The following SEC23IP variants were observed in gnomAD, a reference collection of about 807,000 sequenced individuals.
The protein encoded by SEC23IP is SEC23-interacting protein.
SEC23IP carries 70 observed loss-of-function variants against 113.4 expected under a neutral mutation model. The observed-to-expected ratio is 0.62, with a 90% CI of 0.51 to 0.75. SEC23IP has a LOEUF of 0.75. SEC23IP is among the 30% of genes least tolerant of loss of function. SEC23IP has a pLI of 0.00. For synonymous variants in SEC23IP, 398 were observed against 421.0 expected, an observed-to-expected ratio of 0.95 and a Z score of 0.67; for missense variants, 1,160 against 1,204.9, an observed-to-expected ratio of 0.96 and a Z score of 0.55.
In SEC23IP at chr10:119,933,154, C is replaced by T; in HGVS notation, c.2908C>T (p.His970Tyr). 2 of 1,613,878 alleles carry T rather than the reference C, an allele frequency of 1.2e-6. No individual in the cohort carries two copies. Among genetic ancestry groups the T allele is most frequent in the Non-Finnish European group, 1.7e-6 (2 of 1,179,868 alleles). Residue 970 changes from histidine (H) to tyrosine (Y), a missense_variant, in exon 17 of 19, where the codon CAC becomes TAC. Physicochemically the swap from His to Tyr is moderately conservative, Grantham distance 83. Transcript: ENST00000369075. The part of the protein sequence containing the change: ...FNEYLFALQS[H>Y]LCYWESEDTA... ...TGAATACCTTTTCGCTCTTCAGAGTCACTTATGCTATTGGTAAGTGTTCTT... is the reference window on the plus strand; with the variant it reads ...TGAATACCTTTTCGCTCTTCAGAGTTACTTATGCTATTGGTAAGTGTTCTT...
intron 13 of SEC23IP, 58 bp from the exon 14 acceptor site, chr10:119,929,549 A>G: frequency 6.7e-7 from 1 of 1,502,584 alleles, no homozygotes; most frequent in Non-Finnish European, 9.2e-7. Context: ...ATTCAAAAGA[A>G]TTTTCTACTA....
chr10:119,916,773 A>G lies in SEC23IP; in HGVS notation c.1544+884A>G, dbSNP rs925028525. ...AGAGTAATCTTCCCTCTTTAAAAAT[A>G]AAATAGAAATCTTTGCATATGACTT... On this transcript the variant is annotated intron_variant, in intron 8 of 18. Transcript: ENST00000369075. 2.0e-5 allele frequency among the ~76,000 whole-genome samples: 3 copies of G among 152,220 alleles called. No homozygotes were observed. In the South Asian group the frequency reaches 6.2e-4, roughly 32 times the overall value.
chr10:119,906,986 G>A (rs575678259), intron 4 of SEC23IP, among the ~76,000 whole-genome samples: 1 of 149,402 alleles, frequency 6.7e-6, no homozygotes, highest in East Asian at 2.0e-4. Flanking sequence ...TTTTTAAATC[G>A]AAGAGGAGGG....
intron 2 of SEC23IP, among the ~76,000 whole-genome samples, chr10:119,901,059 G>T (rs1854483522): frequency 3.2e-5 from 4 of 126,642 alleles, no homozygotes; most frequent in Non-Finnish European, 4.8e-5. Context: ...GGGGGGTCTT[G>T]CTCTGTCATC....
At position 119,943,888 on chromosome 10, in the gene SEC23IP, T is replaced by A. The variant is rs1856018389; in HGVS notation, c.*3323T>A. 6.6e-6 allele frequency: 1 copy of A among 152,264 alleles called. No individual in the cohort carries two copies. The highest frequency in any genetic ancestry group is 1.9e-4 in the East Asian group (1 of 5,202). 9.4% of individuals were successfully genotyped at this position (152,264 alleles called of 1,614,324 possible). A position where few individuals can be genotyped will look rare whatever the true frequency, so the allele number is the denominator to read the frequency against. On this transcript the variant is annotated 3_prime_UTR_variant, in exon 19 of 19. Coordinates refer to ENST00000369075, the MANE Select transcript of SEC23IP (RefSeq NM_007190.4). ...GTGGATGTGCTGCAGTTCAGGTTCA[T>A]GGACAGGTGGGACTGGTGTGGTTGG...
chr10:119,933,739 A>T lies in SEC23IP; in HGVS notation c.2975A>T (p.Asn992Ile). 3 of 1,594,080 alleles carry T rather than the reference A, an allele frequency of 1.9e-6. No individual in the cohort carries two copies. Among genetic ancestry groups the T allele is most frequent in the Non-Finnish European group, 2.6e-6 (3 of 1,162,190 alleles). ...LLLKEIYRTM[N>I]ISPEQPQH ...CTTAAAGAAATTTATCGAACAATGA[A>T]CATTAGTCCAGAACAGCCCCAGCAT... The change falls in exon 18 of 19, where the codon AAC becomes ATC. Residue 992 changes from asparagine to isoleucine, a missense_variant. Transcript: ENST00000369075.
At chr10:119,922,224 T>A (rs949693801) in intron 12 of SEC23IP, among the ~76,000 whole-genome samples, 6 of 152,114 alleles carry the variant, frequency 3.9e-5, no homozygotes, top group African/African-American at 1.4e-4. Flanking sequence ...GTGATGGTGC[T>A]TGAGCTTGAA....
In SEC23IP at chr10:119,904,267, A is replaced by G; in HGVS notation, c.1091A>G (p.Glu364Gly). 6.2e-7 allele frequency: 1 copy of G among 1,614,144 alleles called. No homozygotes were observed. Residue 364 changes from glutamate (E) to glycine (G), a missense_variant, in exon 4 of 19, where the codon GAA becomes GGA. Transcript: ENST00000369075. ...ATTCCCTATACTGAGGAGTTCAGTG[A>G]AAAACTAGAGGTACGGGTGCTTTAT... is the stretch of plus-strand genomic sequence containing the variant. ...RFIPYTEEFS[E>G]KLEAEYKKAV...
At chr10:119,914,922 T>A in intron 7 of SEC23IP, 103 bp downstream of exon 7, 1 of 1,050,824 alleles carries the variant, frequency 9.5e-7, no homozygotes, top group Non-Finnish European at 1.4e-6. Context: ...TACTACTTGC[T>A]GAGGAGTCTG....
chr10:119,899,316 C>T (rs889011803), intron 2 of SEC23IP, among the ~76,000 whole-genome samples: 2 of 152,192 alleles, frequency 1.3e-5, no homozygotes, highest in African/African-American at 4.8e-5. Flanking sequence ...TTCAATTACA[C>T]TAGTCAATCA....
rs989961997 is a variant in SEC23IP, at chr10:119,912,070, A to G, written c.1218A>G (p.Ser406=). ...TTATTGTTCAGTTCCAGCCCTCCTC[A>G]GTGCCAGATGAATGGGGCACCACGC... ...PKVIVQFQPS[S]VPDEWGTTQD... Residue 406 remains serine, a synonymous_variant, in exon 6 of 19, where the codon TCA becomes TCG. Transcript: ENST00000369075. The G allele has an allele frequency of 1.2e-6, 2 of 1,614,010 alleles. No homozygotes were observed. The highest frequency in any genetic ancestry group is 1.7e-6 in the Non-Finnish European group (2 of 1,180,010).
At position 119,942,276 on chromosome 10, in the gene SEC23IP, C is replaced by T. The variant is rs1372506979; in HGVS notation, c.*1711C>T. 1 of 152,028 alleles carries T rather than the reference C, an allele frequency of 6.6e-6. No homozygotes were observed. The highest frequency in any genetic ancestry group is 1.5e-5 in the Non-Finnish European group (1 of 68,022). The allele number at this position is 152,028 out of a possible 1,614,324, so 9.4% of individuals were successfully genotyped here. A position where few individuals can be genotyped will look rare whatever the true frequency, so the allele number is the denominator to read the frequency against. On this transcript the variant is annotated 3_prime_UTR_variant, in exon 19 of 19. Transcript: ENST00000369075. ...GCCCTTTCATTTTAATACTTGAGTA[C>T]ACAGAAAATAGAATTTTTGAGTGAC...
Position 119,941,510 on chromosome 10 carries a change from C to G in SEC23IP, c.*945C>G, listed in dbSNP as rs1194145122. 2.0e-5 allele frequency: 3 copies of G among 152,372 alleles called. No homozygotes were observed. The highest frequency in any genetic ancestry group is 7.2e-5 in the African/African-American group (3 of 41,440). The allele number at this position is 152,372 out of a possible 1,614,324, so 9.4% of individuals were successfully genotyped here. A position where few individuals can be genotyped will look rare whatever the true frequency, so the allele number is the denominator to read the frequency against. The stretch of plus-strand genomic sequence containing the variant: ...ATTTCACTTTGTTTTACTACAAATT[C>G]AGATCACTTTGTTTTACTATAAATT... On this transcript the variant is annotated 3_prime_UTR_variant, in exon 19 of 19. Coordinates refer to ENST00000369075, the MANE Select transcript of SEC23IP (RefSeq NM_007190.4).
intron 14 of SEC23IP, 63 bp from the exon 15 acceptor site, chr10:119,930,266 C>A: frequency 1.1e-6 from 1 of 898,658 alleles, no homozygotes; most frequent in Non-Finnish European, 1.7e-6. Flanking sequence ...CCAGCGAAGG[C>A]ATATAACTCA....
intron 4 of SEC23IP, 127 bp from the exon 5 acceptor site, chr10:119,908,914 G>A: frequency 1.6e-6 from 1 of 626,856 alleles, no homozygotes; most frequent in Non-Finnish European, 2.8e-6. Context: ...ATGTTAACCA[G>A]TCAGGAAATG....
chr10:119,937,062 T>C (rs1855813410), intron 18 of SEC23IP, among the ~76,000 whole-genome samples: 1 of 151,640 alleles, frequency 6.6e-6, no homozygotes, highest in East Asian at 2.0e-4. Flanking sequence ...TAATTTTTTG[T>C]ATTTTTAGTA....
At chr10:119,936,561 AAAAG>A (rs1358260856) in intron 18 of SEC23IP, among the ~76,000 whole-genome samples, 21 of 151,926 alleles carry the variant, frequency 1.4e-4, no homozygotes, top group African/African-American at 5.1e-4. Context: ...AAAAAAAAAA[AAAAG>A]CTTTTTGATC....
chr10:119,932,881 C>T (rs1421614361), intron 16 of SEC23IP, 124 bp from the exon 17 acceptor site: 20 of 765,850 alleles, frequency 2.6e-5, no homozygotes, highest in Non-Finnish European at 3.5e-5. Context: ...GGGGAGTGAG[C>T]CTGGTAGCTC....
intron 1 of SEC23IP, among the ~76,000 whole-genome samples, chr10:119,895,850 C>G (rs1004421136): frequency 6.6e-6 from 1 of 152,194 alleles, no homozygotes; most frequent in African/African-American, 2.4e-5. Context: ...CCCAGTAGAT[C>G]ACTTTGACTA....
Sources: allele counts gnomAD v4.1 joint callset (sites outside exome capture counted in the v4.1 genomes callset), GRCh38; gene constraint gnomAD v4.1.1; transcripts MANE v1.5; gene names NCBI Gene and HGNC (gene_info 2026-07-23, HGNC 2026-07-21).